The following DENND4C variants were observed in gnomAD, a reference collection of about 807,000 sequenced individuals.
The protein encoded by DENND4C is DENN domain containing 4C, also known as DENN domain-containing protein 4C.
In DENND4C, 108 loss-of-function variants were observed where a neutral mutation model predicts 203.0. That is an observed-to-expected ratio of 0.53 (90% CI 0.46 to 0.62). The LOEUF is 0.62. Ranked by LOEUF, DENND4C falls within the 20% of genes least tolerant of loss-of-function variation. The pLI is 0.00. For missense variants in DENND4C, 2,481 were observed against 2,301.2 expected (o/e 1.08, Z -1.60); for synonymous variants, 871 against 792.4 (o/e 1.10, Z -1.67).
At chr9:19,361,025 C>T (rs535385355) in intron 29 of DENND4C, among the ~76,000 whole-genome samples, 81 of 152,234 alleles carry the variant, frequency 5.3e-4, no homozygotes, top group Non-Finnish European at 1.0e-3. Context: ...AGGCACCCAC[C>T]ACCACATCCA....
At chr9:19,317,500 G>A (rs1842055824) in intron 12 of DENND4C, among the ~76,000 whole-genome samples, 1 of 152,048 alleles carries the variant, frequency 6.6e-6, no homozygotes, top group Admixed American at 6.5e-5. Flanking sequence ...ATATGTAGTA[G>A]CAATCTTACA....
rs904188733 is a variant in DENND4C, at chr9:19,355,142, C to G, written c.4782-1830C>G. 2.7e-5 allele frequency among the ~76,000 whole-genome samples: 4 copies of G among 149,760 alleles called. No homozygotes were observed. The East Asian group carries it at 8.1e-4, about 30-fold the overall frequency. ...AGCCAGGATGGTCTCGATCTCATGACCTTGTGATCCGCCCACCTTGGTCTC... is the reference window on the plus strand; with the variant it reads ...AGCCAGGATGGTCTCGATCTCATGAGCTTGTGATCCGCCCACCTTGGTCTC... On this transcript the variant is annotated intron_variant, in intron 26 of 32. Transcript: ENST00000434457.
chr9:19,257,783 C>G (rs1484880838), intron 1 of DENND4C, among the ~76,000 whole-genome samples: 1 of 152,098 alleles, frequency 6.6e-6, no homozygotes, highest in African/African-American at 2.4e-5. Context: ...AATTTGACAA[C>G]TTAGATGGAA....
At chr9:19,318,128 G>A (rs982115531) in intron 12 of DENND4C, among the ~76,000 whole-genome samples, 5 of 152,178 alleles carry the variant, frequency 3.3e-5, no homozygotes, top group African/African-American at 1.2e-4. Flanking sequence ...AGACCAGCCT[G>A]GCCAACATGG....
At chr9:19,311,583 A>G (rs530690351) in intron 10 of DENND4C, among the ~76,000 whole-genome samples, 3 of 152,218 alleles carry the variant, frequency 2.0e-5, no homozygotes, top group African/African-American at 7.2e-5. Context: ...CAAAAGACCA[A>G]TAACTCTATA....
At chr9:19,328,660 T>C (rs1443956924) in intron 16 of DENND4C, among the ~76,000 whole-genome samples, 47 of 99,486 alleles carry the variant, frequency 4.7e-4, no homozygotes, top group African/African-American at 2.3e-3. Context: ...TCTGTCTGTC[T>C]ATCTATCTAT....
chr9:19,301,299 T>C (rs1362264346), intron 9 of DENND4C, among the ~76,000 whole-genome samples: 1 of 152,208 alleles, frequency 6.6e-6, no homozygotes, highest in Non-Finnish European at 1.5e-5. Flanking sequence ...TAATTTAAAA[T>C]AGCTGACTCT....
At position 19,316,700 on chromosome 9, in the gene DENND4C, A is replaced by C; in HGVS notation, c.1668A>C (p.Thr556=). 1 of 1,614,130 alleles carries C rather than the reference A, an allele frequency of 6.2e-7. No individual in the cohort carries two copies. Among genetic ancestry groups the C allele is most frequent in the South Asian group, 1.1e-5 (1 of 91,084 alleles). The change falls in exon 12 of 33, where the codon ACA becomes ACC. Residue 556 remains threonine, a synonymous_variant. Coordinates refer to ENST00000434457, the MANE Select transcript of DENND4C (RefSeq NM_001330640.2). ...ATTTCTCCTGGCAAAAGAAGATGAC[A>C]CAGCTTGAGATGGAAATTCAAGAGG... The part of the protein sequence containing the change: ...EADFSWQKKM[T]QLEMEIQEAF...
chr9:19,260,761 T>C (rs1829157867), intron 1 of DENND4C, among the ~76,000 whole-genome samples: 1 of 152,192 alleles, frequency 6.6e-6, no homozygotes, highest in African/African-American at 2.4e-5. Context: ...CATCTGTAGG[T>C]TGTCTCTTCA....
At chr9:19,307,718 G>A (rs148006182) in intron 10 of DENND4C, among the ~76,000 whole-genome samples, 3,151 of 149,800 alleles carry the variant, frequency 0.021, 111 homozygotes, top group African/African-American at 0.072. Context: ...TGCAGTGAGC[G>A]GAGATCATGC....
intron 1 of DENND4C, among the ~76,000 whole-genome samples, chr9:19,253,712 C>A (rs1007636113): frequency 6.6e-6 from 1 of 152,132 alleles, no homozygotes; most frequent in Non-Finnish European, 1.5e-5. Context: ...ACATGAACTG[C>A]ATTTAGTTTT....
chr9:19,361,686 A>G (rs537129658), intron 29 of DENND4C, among the ~76,000 whole-genome samples, 160 bp from the exon 30 acceptor site: 5 of 152,348 alleles, frequency 3.3e-5, no homozygotes, highest in African/African-American at 1.2e-4. Context: ...AAATAATAAT[A>G]ACATTTGTCA....
intron 10 of DENND4C, among the ~76,000 whole-genome samples, chr9:19,310,492 G>A (rs1043593537): frequency 6.6e-6 from 1 of 152,182 alleles, no homozygotes; most frequent in Non-Finnish European, 1.5e-5. Flanking sequence ...CAGCACATTT[G>A]AGTAGTTATG....
At chr9:19,331,925 C>G in intron 16 of DENND4C, 53 bp from the exon 17 acceptor site, 1 of 1,483,904 alleles carries the variant, frequency 6.7e-7, no homozygotes, top group Non-Finnish European at 9.2e-7. Flanking sequence ...CTCACTTCTC[C>G]CCTCACCCTA....
chr9:19,291,762 G>A (rs1440080334), intron 5 of DENND4C, among the ~76,000 whole-genome samples: 1 of 151,486 alleles, frequency 6.6e-6, no homozygotes, highest in African/African-American at 2.4e-5. Context: ...AATTAATGAA[G>A]TGGAAGATAG....
At chr9:19,292,101 T>A (rs931531468) in intron 5 of DENND4C, among the ~76,000 whole-genome samples, 3 of 152,148 alleles carry the variant, frequency 2.0e-5, no homozygotes, top group African/African-American at 7.2e-5. Context: ...CTCGGCTCAC[T>A]GCAACCTCCA....
intron 1 of DENND4C, among the ~76,000 whole-genome samples, chr9:19,257,099 C>G (rs1028649234): frequency 1.3e-5 from 2 of 150,368 alleles, no homozygotes; most frequent in Non-Finnish European, 3.0e-5. Context: ...TATTTTGATC[C>G]AGGTGAGGTT....
chr9:19,231,172 G>A (rs1484679110), intron 1 of DENND4C, among the ~76,000 whole-genome samples: 1 of 152,210 alleles, frequency 6.6e-6, no homozygotes, highest in Non-Finnish European at 1.5e-5. Flanking sequence ...CCGCCGGGGC[G>A]ACGGCCGCTT....
At chr9:19,326,231 C>G (rs983928754) in intron 15 of DENND4C, 37 bp downstream of exon 15, 2 of 1,564,316 alleles carry the variant, frequency 1.3e-6, no homozygotes, top group African/African-American at 1.4e-5. Flanking sequence ...ATGGCACAGC[C>G]TATCAGTTTC....
Sources: allele counts gnomAD v4.1 joint callset (sites outside exome capture counted in the v4.1 genomes callset), GRCh38; gene constraint gnomAD v4.1.1; transcripts MANE v1.5; gene names NCBI Gene and HGNC (gene_info 2026-07-23, HGNC 2026-07-21).